MYO16: variants seen among roughly 807,000 people sequenced by gnomAD.
MYO16 encodes the protein unconventional myosin-XVI.
A neutral mutation model predicts 205.3 loss-of-function variants in MYO16; 94 were observed. That is an observed-to-expected ratio of 0.46 (90% CI 0.39 to 0.54). The LOEUF (loss-of-function observed/expected upper bound fraction) is 0.54. MYO16 is among the 20% of genes least tolerant of loss of function. MYO16 has a pLI of 0.00. For synonymous variants in MYO16, 988 were observed against 954.0 expected, an observed-to-expected ratio of 1.04 and a Z score of -0.66; for missense variants, 2,315 against 2,387.5, an observed-to-expected ratio of 0.97 and a Z score of 0.63.
At chr13:108,725,408 C>T (rs61969546) in intron 3 of MYO16, among the ~76,000 whole-genome samples, 37,166 of 151,670 alleles carry the variant, frequency 0.25, 5,574 homozygotes, top group African/African-American at 0.44. Context: ...GTAAATAATC[C>T]TGAACTCTTT....
At chr13:108,615,392 A>T (rs2139325510) in intron 1 of MYO16, among the ~76,000 whole-genome samples, 1 of 152,256 alleles carries the variant, frequency 6.6e-6, no homozygotes, top group Admixed American at 6.5e-5. Context: ...AAAATTTGGC[A>T]GTTCTGCGAA....
intron 1 of MYO16, among the ~76,000 whole-genome samples, chr13:108,651,643 G>A (rs1881011119): frequency 1.3e-5 from 2 of 152,092 alleles, no homozygotes; most frequent in Admixed American, 6.5e-5. Flanking sequence ...ACAAGAAATG[G>A]CCTATTGATA....
At chr13:108,607,552 G>A (rs991360250) in intron 1 of MYO16, among the ~76,000 whole-genome samples, 10 of 152,108 alleles carry the variant, frequency 6.6e-5, no homozygotes, top group Admixed American at 1.3e-4. Context: ...TACATTTCCT[G>A]AGGCCTCCCT....
chr13:108,798,703 T>TA (rs1406012730), intron 6 of MYO16, among the ~76,000 whole-genome samples: 38 of 114,950 alleles, frequency 3.3e-4, no homozygotes, highest in African/African-American at 1.1e-3. Flanking sequence ...TTTTTTTTTT[T>TA]TTTTTTTTTT....
intron 33 of MYO16, among the ~76,000 whole-genome samples, chr13:109,175,972 G>T (rs1017620091): frequency 3.3e-5 from 5 of 152,034 alleles, no homozygotes; most frequent in South Asian, 4.1e-4. Flanking sequence ...AAAAGTTCTT[G>T]TCAGTTAAGG....
chr13:108,991,043 C>T (rs1164420754), intron 20 of MYO16, among the ~76,000 whole-genome samples: 3 of 152,152 alleles, frequency 2.0e-5, no homozygotes, highest in Non-Finnish European at 2.9e-5. Context: ...GTACCCATAG[C>T]GTACCCATTG....
the MYO16 span, among the ~76,000 whole-genome samples, chr13:108,577,036 C>T: frequency 1.3e-5 from 2 of 152,250 alleles, no homozygotes; most frequent in Non-Finnish European, 2.9e-5. Flanking sequence ...GTTGGGATTA[C>T]AGGCGACAGC....
At chr13:108,670,761 A>G (rs1476198384) in intron 2 of MYO16, among the ~76,000 whole-genome samples, 2 of 152,194 alleles carry the variant, frequency 1.3e-5, no homozygotes, top group African/African-American at 4.8e-5. Flanking sequence ...GAAACTTTCT[A>G]TAGTTTTTAG....
At chr13:109,176,658 A>C (rs1019712824) in intron 33 of MYO16, among the ~76,000 whole-genome samples, 1 of 143,698 alleles carries the variant, frequency 7.0e-6, no homozygotes, top group East Asian at 2.3e-4. Flanking sequence ...TCCAGTTCTC[A>C]AAATGTTACT....
At chr13:108,576,152 A>G in the MYO16 span, among the ~76,000 whole-genome samples, 1 of 152,210 alleles carries the variant, frequency 6.6e-6, no homozygotes, top group Non-Finnish European at 1.5e-5. Context: ...GAAAGGACTT[A>G]CACATATGAG....
At chr13:108,626,770 A>G (rs1324463950), upstream of MYO16, among the ~76,000 whole-genome samples, 1 of 151,672 alleles carries the variant, frequency 6.6e-6, no homozygotes, top group East Asian at 1.9e-4. Context: ...GCGCCATTGC[A>G]CTGCAGCCTG....
At chr13:108,986,758 C>T (rs1415387937) in intron 20 of MYO16, among the ~76,000 whole-genome samples, 1 of 151,932 alleles carries the variant, frequency 6.6e-6, no homozygotes, top group Non-Finnish European at 1.5e-5. Context: ...ATGAACTGCT[C>T]ACTTTCTTAT....
intron 1 of MYO16, among the ~76,000 whole-genome samples, chr13:108,632,710 G>C (rs1335856567): frequency 2.0e-5 from 3 of 152,132 alleles, no homozygotes; most frequent in Non-Finnish European, 4.4e-5. Flanking sequence ...ACAGCAAAAA[G>C]TGTGGCCATT....
Position 109,055,246 on chromosome 13 carries a change from T to TACACAC in MYO16, c.3130-120_3130-115dup, listed in dbSNP as rs10557146. On this transcript the variant is annotated intron_variant, in intron 26 of 34. Transcript: ENST00000457511. The surrounding 1 kb of genome is among the most constrained non-coding windows in gnomAD (Gnocchi z 5.0). ...AATATCTTCACAAAAAAAGTAAACA[T>TACACAC]ACACACACACACACACACACACACA... 0.059 allele frequency: 38,483 copies of TACACAC among 657,236 alleles called. 426 individuals are homozygous for TACACAC. The highest frequency in any genetic ancestry group is 0.07 in the Non-Finnish European group (27,400 of 394,022). The allele number at this position is 657,236 out of a possible 1,614,324, so 40.7% of individuals were successfully genotyped here. A position where few individuals can be genotyped will look rare whatever the true frequency, so the allele number is the denominator to read the frequency against.
the MYO16 span, among the ~76,000 whole-genome samples, chr13:108,583,238 C>T: frequency 6.6e-6 from 1 of 151,988 alleles, no homozygotes; most frequent in Non-Finnish European, 1.5e-5. Flanking sequence ...TTTTGATTAA[C>T]GAAGGCACTC....
At chr13:109,104,849 T>C (rs1889072479) in intron 28 of MYO16, among the ~76,000 whole-genome samples, 1 of 152,190 alleles carries the variant, frequency 6.6e-6, no homozygotes, top group Non-Finnish European at 1.5e-5. Context: ...CCCTGGCTAC[T>C]AGATTTTAAA....
At chr13:108,958,082 G>A (rs917402772) in intron 17 of MYO16, among the ~76,000 whole-genome samples, 1 of 149,632 alleles carries the variant, frequency 6.7e-6, no homozygotes, top group Non-Finnish European at 1.5e-5. Flanking sequence ...TTTCCAAGAG[G>A]GTGGACAAGG....
intron 6 of MYO16, among the ~76,000 whole-genome samples, chr13:108,793,891 C>G (rs548456467): frequency 6.6e-6 from 1 of 152,196 alleles, no homozygotes; most frequent in East Asian, 1.9e-4. Context: ...TATGTTCATC[C>G]CAGTGCCGTT....
intron 24 of MYO16, chr13:109,048,511 A>G (rs1887127211): frequency 2.2e-6 from 1 of 459,242 alleles, no homozygotes; most frequent in Non-Finnish European, 4.0e-6. Flanking sequence ...TGTGAAAAAC[A>G]GCTGTAGACA....
Sources: gnomAD v4.1 joint callset for allele counts (sites outside exome capture counted in the v4.1 genomes callset) on GRCh38, gnomAD v4.1.1 for gene constraint, Gnocchi (gnomAD v3.1) non-coding constraint, MANE v1.5 for transcripts, NCBI Gene and HGNC (gene_info 2026-07-23, HGNC 2026-07-21) for gene names.